CERS6: variants seen among roughly 807,000 people sequenced by gnomAD.
The protein encoded by CERS6 is LAG1 homolog, ceramide synthase 6.
CERS6 carries 26 observed loss-of-function variants against 56.8 expected under a neutral mutation model. That is an observed-to-expected ratio of 0.46 (90% CI 0.34 to 0.63). The LOEUF (loss-of-function observed/expected upper bound fraction) is 0.63, where lower values mean the gene tolerates loss of function less well. CERS6 is among the 30% of genes least tolerant of loss of function. The pLI is 0.01. For missense variants in CERS6, 415 were observed against 467.5 expected (o/e 0.89, Z 1.04); for synonymous variants, 164 against 173.3 (o/e 0.95, Z 0.42).
intron 2 of CERS6, among the ~76,000 whole-genome samples, chr2:168,558,380 T>TTTATATATATATATAAAGATATA: frequency 6.6e-6 from 1 of 152,112 alleles, no homozygotes; most frequent in Admixed American, 6.5e-5. Flanking sequence ...GATAAGTAAA[T>TTTATATATATATATAAAGATATA]TATGGTATAT....
At chr2:168,721,917 G>C (rs1373070155) in intron 8 of CERS6, among the ~76,000 whole-genome samples, 1 of 152,084 alleles carries the variant, frequency 6.6e-6, no homozygotes. Context: ...AATGCACCCA[G>C]CCCACCACAC....
chr2:168,569,336 C>T (rs1695939500), intron 3 of CERS6, among the ~76,000 whole-genome samples: 1 of 152,204 alleles, frequency 6.6e-6, no homozygotes, highest in African/African-American at 2.4e-5. Context: ...GGTAGGGCTT[C>T]AACGTATGTG....
At chr2:168,645,158 G>A (rs865829017) in intron 4 of CERS6, among the ~76,000 whole-genome samples, 2 of 106,640 alleles carry the variant, frequency 1.9e-5, no homozygotes, top group Non-Finnish European at 3.7e-5. Context: ...GAGAGAGAGA[G>A]AGAGAGAGAG....
intron 4 of CERS6, among the ~76,000 whole-genome samples, chr2:168,678,423 G>A (rs978088371): frequency 1.8e-4 from 28 of 152,178 alleles, no homozygotes; most frequent in Admixed American, 7.9e-4. Context: ...TGGCTGGATC[G>A]TCAGACTTCC....
At chr2:168,530,826 T>A (rs1281844443) in intron 1 of CERS6, among the ~76,000 whole-genome samples, 2 of 152,226 alleles carry the variant, frequency 1.3e-5, no homozygotes, top group Admixed American at 1.3e-4. Context: ...GATCAACTCC[T>A]CAGATGAGGT....
intron 4 of CERS6, among the ~76,000 whole-genome samples, chr2:168,675,461 G>A (rs115464438): frequency 1.3e-4 from 19 of 151,804 alleles, no homozygotes; most frequent in Admixed American, 3.9e-4. Context: ...TGGCATGCAC[G>A]TGTAGTTCCA....
At chr2:168,545,515 T>G (rs1695450365) in intron 1 of CERS6, among the ~76,000 whole-genome samples, 1 of 152,144 alleles carries the variant, frequency 6.6e-6, no homozygotes, top group Non-Finnish European at 1.5e-5. Flanking sequence ...TTTGATTTTT[T>G]TTTTTTTGGC....
intron 8 of CERS6, among the ~76,000 whole-genome samples, chr2:168,747,023 A>G (rs1040236366): frequency 6.6e-6 from 1 of 151,788 alleles, no homozygotes; most frequent in African/African-American, 2.4e-5. Flanking sequence ...TGTTTTATAC[A>G]TATGTGTGTA....
At position 168,774,375 on chromosome 2, in the gene CERS6, C is replaced by T. The variant is rs1684945025; in HGVS notation, c.*4713C>T. The T allele has an allele frequency of 6.6e-6, 1 of 152,138 alleles. No individual in the cohort carries two copies. The highest frequency in any genetic ancestry group is 1.5e-5 in the Non-Finnish European group (1 of 68,028). 9.4% of individuals were successfully genotyped at this position (152,138 alleles called of 1,614,324 possible). A position where few individuals can be genotyped will look rare whatever the true frequency, so the allele number is the denominator to read the frequency against. Reference sequence around the variant, plus strand: ...CAATAGCTTGTGGATCAGTTGTACACCCACACTTCCTTCTCTGCCTAATTC... The same window carrying T: ...CAATAGCTTGTGGATCAGTTGTACATCCACACTTCCTTCTCTGCCTAATTC... On this transcript the variant is annotated 3_prime_UTR_variant, in exon 10 of 10. Transcript: ENST00000305747.
intron 3 of CERS6, among the ~76,000 whole-genome samples, chr2:168,593,273 G>C (rs1369125323): frequency 1.3e-5 from 2 of 152,178 alleles, no homozygotes; most frequent in Non-Finnish European, 2.9e-5. Context: ...TATGCTTACA[G>C]GTTCTGGAGA....
chr2:168,594,730 C>G (rs1214204134), intron 3 of CERS6, among the ~76,000 whole-genome samples: 2 of 152,164 alleles, frequency 1.3e-5, no homozygotes, highest in Non-Finnish European at 2.9e-5. Context: ...TACCATGAGC[C>G]CTTTCTACTA....
rs946692651 is a variant in CERS6, at chr2:168,571,812, A to G, written c.407+10490A>G. On this transcript the variant is annotated intron_variant, in intron 3 of 9. Transcript: ENST00000305747. ...ACCTCAAGCGTTTATCCTTTGCGTT[A>G]CAAACAATCCAATTATACTCTTTTA... is the stretch of plus-strand genomic sequence containing the variant. 1.2e-4 allele frequency among the ~76,000 whole-genome samples: 18 copies of G among 152,356 alleles called. No homozygotes were observed. The East Asian group carries it at 3.3e-3, about 28-fold the overall frequency.
chr2:168,483,416 C>T (rs1694213486), intron 1 of CERS6, among the ~76,000 whole-genome samples: 1 of 151,900 alleles, frequency 6.6e-6, no homozygotes, highest in Non-Finnish European at 1.5e-5. Flanking sequence ...TTTCAGCTTT[C>T]TTCTGTGCAA....
chr2:168,720,419 A>G (rs151001069), intron 8 of CERS6, among the ~76,000 whole-genome samples: 31 of 152,294 alleles, frequency 2.0e-4, no homozygotes, highest in Non-Finnish European at 4.1e-4. Context: ...GCATTTCCAG[A>G]AAAGAACAAC....
rs184656435 is a variant in CERS6 at position 168,582,035 on chromosome 2, T to C, written c.407+20713T>C. ...GTAACCACCTTGGTCATGATCACAG[T>C]TGTGGGTCTCTTACCACAACTTCTC... On this transcript the variant is annotated intron_variant, in intron 3 of 9. Transcript: ENST00000305747. Among the ~76,000 whole-genome samples, 405 of 152,258 alleles carry C rather than the reference T, an allele frequency of 2.7e-3. 2 individuals carry two copies. The highest frequency in any genetic ancestry group is 4.7e-3 in the Non-Finnish European group (317 of 68,008).
At chr2:168,602,518 ATT>A (rs56772118) in intron 3 of CERS6, among the ~76,000 whole-genome samples, 18,733 of 152,122 alleles carry the variant, frequency 0.12, 2,272 homozygotes, top group African/African-American at 0.32. Context: ...ACGTAGTTAA[ATT>A]ACATTTTGGA....
chr2:168,694,489 A>G (rs1686589524), intron 5 of CERS6, among the ~76,000 whole-genome samples: 1 of 152,078 alleles, frequency 6.6e-6, no homozygotes. Context: ...TTTTTTTCTA[A>G]TAACAAAAAA....
intron 2 of CERS6, among the ~76,000 whole-genome samples, chr2:168,550,208 C>T (rs1314116268): frequency 3.3e-5 from 5 of 152,128 alleles, no homozygotes; most frequent in Non-Finnish European, 1.5e-5. Context: ...CAAGGTCTCA[C>T]TCTGTTGCCA....
intron 3 of CERS6, among the ~76,000 whole-genome samples, chr2:168,595,386 T>G (rs1243388177): frequency 6.6e-6 from 1 of 152,204 alleles, no homozygotes; most frequent in Non-Finnish European, 1.5e-5. Context: ...TCATGTGGTT[T>G]TTGCTTGAGA....
Sources: gnomAD v4.1 joint callset for allele counts (sites outside exome capture counted in the v4.1 genomes callset) on GRCh38, gnomAD v4.1.1 for gene constraint, MANE v1.5 for transcripts, NCBI Gene and HGNC (gene_info 2026-07-23, HGNC 2026-07-21) for gene names.